Variants in NFYC observed in about 807,000 individuals in gnomAD.
NFYC encodes the protein nuclear transcription factor Y subunit gamma.
Under a neutral mutation model 53.1 loss-of-function variants are expected in NFYC, and 25 were observed. That is an observed-to-expected ratio of 0.47 (90% confidence interval 0.34 to 0.66). The LOEUF (loss-of-function observed/expected upper bound fraction) is 0.66. Ranked by LOEUF, NFYC falls within the 30% of genes least tolerant of loss-of-function variation. The probability of loss-of-function intolerance (pLI) is 0.01; values close to 1 mark genes in which losing one functional copy is unlikely to be tolerated. For missense variants in NFYC, 260 were observed against 422.7 expected (o/e 0.62, Z 3.38); for synonymous variants, 145 against 152.6 (o/e 0.95, Z 0.37).
intron 6 of NFYC, among the ~76,000 whole-genome samples, chr1:40,762,308 A>G (rs1180218869): frequency 1.3e-5 from 2 of 152,222 alleles, no homozygotes; most frequent in Admixed American, 1.3e-4. Flanking sequence ...GGTCCAGAGC[A>G]GCCATCTGGC....
chr1:40,727,405 G>A (rs960856655), intron 1 of NFYC, among the ~76,000 whole-genome samples: 1 of 151,876 alleles, frequency 6.6e-6, no homozygotes. Context: ...TGTATTTTTT[G>A]TAGAGACAGG....
In NFYC at chr1:40,766,581, C is replaced by T. The variant is rs374525886; in HGVS notation, c.721-15C>T. On this transcript the variant is annotated splice_polypyrimidine_tract_variant and intron_variant, in intron 7 of 9. Coordinates refer to ENST00000447388, the MANE Select transcript of NFYC (RefSeq NM_014223.5). ...TCAATGTCTTATGGTCTCTTTGTCT[C>T]TGCCCCTGCCCTAGGTGCAGCTGAA... The T allele has an allele frequency of 1.2e-3, 1,952 of 1,599,932 alleles. 1 individual carries two copies. Among genetic ancestry groups the T allele is most frequent in the Non-Finnish European group, 1.5e-3 (1,739 of 1,169,544 alleles).
At position 40,732,897 on chromosome 1, in the gene NFYC, C is replaced by T. The variant is rs553324030; in HGVS notation, c.-8-5939C>T. 2.9e-3 allele frequency among the ~76,000 whole-genome samples: 441 copies of T among 151,726 alleles called. 5 individuals carry two copies. The highest frequency in any genetic ancestry group is 0.01 in the African/African-American group (424 of 41,276). On this transcript the variant is annotated intron_variant, in intron 1 of 9. Transcript: ENST00000447388. The stretch of plus-strand genomic sequence containing the variant: ...AGGTAGATTTCTGATTGCAGTCTTG[C>T]TTTAAAGTCCTGGAGCTCATTTAGT...
intron 2 of NFYC, among the ~76,000 whole-genome samples, chr1:40,742,183 TTACAGACATG>T (rs1378023181): frequency 6.6e-6 from 1 of 151,612 alleles, no homozygotes; most frequent in African/African-American, 2.4e-5. Flanking sequence ...AGCACTGGGA[TTACAGACATG>T]AGCCATCATG....
intron 1 of NFYC, among the ~76,000 whole-genome samples, chr1:40,714,276 G>GA (rs1644041904): frequency 6.6e-6 from 1 of 152,152 alleles, no homozygotes; most frequent in Non-Finnish European, 1.5e-5. Context: ...ACTAAAATAG[G>GA]AATCATTGTT....
At chr1:40,697,674 G>A (rs1254334312) in intron 1 of NFYC, among the ~76,000 whole-genome samples, 1 of 152,240 alleles carries the variant, frequency 6.6e-6, no homozygotes, top group Non-Finnish European at 1.5e-5. Context: ...ATCAGTTGAA[G>A]TAGGACCGTT....
chr1:40,705,701 C>T (rs561774990), intron 1 of NFYC, among the ~76,000 whole-genome samples: 7 of 152,276 alleles, frequency 4.6e-5, no homozygotes, highest in African/African-American at 1.7e-4. Flanking sequence ...AGGTCTCTAA[C>T]TGGCATATCA....
intron 5 of NFYC, chr1:40,757,495 G>A (rs1412040808): frequency 2.6e-6 from 1 of 389,618 alleles, no homozygotes; most frequent in African/African-American, 2.1e-5. Context: ...TTGCGCTTCT[G>A]TGGCTAAGTA....
At chr1:40,759,682 A>C (rs12743517) in intron 6 of NFYC, among the ~76,000 whole-genome samples, 34,828 of 151,892 alleles carry the variant, frequency 0.23, 4,884 homozygotes, top group East Asian at 0.6. Flanking sequence ...GTGGTCAGAT[A>C]ATGTTTCTGA....
At chr1:40,706,064 A>G (rs116462082) in intron 1 of NFYC, among the ~76,000 whole-genome samples, 2,822 of 152,118 alleles carry the variant, frequency 0.019, 92 homozygotes, top group African/African-American at 0.064. Flanking sequence ...TAATTTTTAA[A>G]TTTGTTGAAG....
chr1:40,708,850 CT>C (rs1643842082), intron 1 of NFYC, among the ~76,000 whole-genome samples: 1 of 152,194 alleles, frequency 6.6e-6, no homozygotes, highest in African/African-American at 2.4e-5. Context: ...ATGGTCACAA[CT>C]TTCCGACCTT....
intron 1 of NFYC, among the ~76,000 whole-genome samples, chr1:40,733,088 T>C (rs1465348523): frequency 7.0e-6 from 1 of 143,164 alleles, no homozygotes; most frequent in Non-Finnish European, 1.5e-5. Flanking sequence ...TAATTAGTTA[T>C]CAGACTGTGT....
Position 40,769,362 on chromosome 1 carries a change from C to G in NFYC, c.835C>G (p.Gln279Glu). The G allele has an allele frequency of 6.2e-7, 1 of 1,614,062 alleles. No homozygotes were observed. The highest frequency in any genetic ancestry group is 1.3e-5 in the African/African-American group (1 of 75,006). Residue 279 changes from glutamine to glutamate, a missense_variant, in exon 9 of 10, where the codon CAG becomes GAG. Coordinates refer to ENST00000447388, the MANE Select transcript of NFYC (RefSeq NM_014223.5). ...TLATNAQQIT[Q>E]TEVQQGQQQF... ...ACCATCTTGATTCTTACAGATTACA[C>G]AGACAGAGGTCCAGCAAGGACAGCA...
At chr1:40,767,216 T>G in intron 8 of NFYC, 1 of 486,874 alleles carries the variant, frequency 2.1e-6, no homozygotes. Context: ...GCTGCCTCCC[T>G]GGGCTTGGGG....
At chr1:40,706,291 G>GT (rs2148435048) in intron 1 of NFYC, among the ~76,000 whole-genome samples, 1 of 152,194 alleles carries the variant, frequency 6.6e-6, no homozygotes, top group South Asian at 2.1e-4. Context: ...GGGTATTGTA[G>GT]TGAGAATTAG....
At chr1:40,735,585 C>G (rs6702983) in intron 1 of NFYC, 219,808 of 983,132 alleles carry the variant, frequency 0.22, 26,107 homozygotes, top group East Asian at 0.42. Flanking sequence ...TGTTACCAGA[C>G]TTTTAAATCG....
chr1:40,719,225 T>G (rs1381010823), intron 1 of NFYC, among the ~76,000 whole-genome samples: 1 of 152,234 alleles, frequency 6.6e-6, no homozygotes, highest in Non-Finnish European at 1.5e-5. Context: ...TTTATAATCC[T>G]TGCTTACCCC....
intron 1 of NFYC, chr1:40,723,680 T>C (rs1426013019): frequency 6.6e-6 from 1 of 152,204 alleles, no homozygotes; most frequent in Admixed American, 6.5e-5. Flanking sequence ...TCTTTTTTTT[T>C]TGAGACAGGA....
intron 1 of NFYC, among the ~76,000 whole-genome samples, chr1:40,727,034 G>T (rs1282177551): frequency 1.3e-5 from 2 of 152,092 alleles, no homozygotes; most frequent in African/African-American, 2.4e-5. Context: ...CACATCTCAG[G>T]CTCCGCTTCT....
Sources: gnomAD v4.1 joint callset for allele counts (sites outside exome capture counted in the v4.1 genomes callset) on GRCh38, gnomAD v4.1.1 for gene constraint, MANE v1.5 for transcripts, NCBI Gene and HGNC (gene_info 2026-07-23, HGNC 2026-07-21) for gene names.